Variants in CPLX3 observed in about 807,000 individuals in gnomAD.
The protein encoded by CPLX3 is complexin 3.
CPLX3 carries 12 observed loss-of-function variants against 17.2 expected under a neutral mutation model. The observed-to-expected ratio is 0.70, with a 90% CI of 0.45 to 1.13. The LOEUF (loss-of-function observed/expected upper bound fraction) is 1.13, where lower values mean the gene tolerates loss of function less well. Ranked by LOEUF, CPLX3 falls within the 50% of genes most tolerant of loss-of-function variation. The pLI is 0.00. For missense variants in CPLX3, 172 were observed against 203.2 expected, an observed-to-expected ratio of 0.85 and a Z score of 0.93; for synonymous variants, 75 against 79.4, an observed-to-expected ratio of 0.94 and a Z score of 0.29.
chr15:74,826,733 C>A lies in CPLX3; in HGVS notation c.30C>A (p.Gly10=), dbSNP rs1238714004. Residue 10 remains glycine (G), a synonymous_variant, in exon 1 of 3, where the codon GGC becomes GGA. Coordinates refer to ENST00000395018, the MANE Select transcript of CPLX3 (RefSeq NM_001030005.3). The surrounding 1 kb of genome is among the most constrained non-coding windows in gnomAD (Gnocchi z 5.0). ...CGTTCATGGTGAAGACCATGGTGGG[C>A]GGCCAGCTGAAGAACCTCACTGGGA... MAFMVKTMV[G]GQLKNLTGSL... 8.7e-6 allele frequency: 14 copies of A among 1,610,846 alleles called. No homozygotes were observed. The highest frequency in any genetic ancestry group is 1.1e-5 in the Non-Finnish European group (13 of 1,178,554).
intron 2 of CPLX3, among the ~76,000 whole-genome samples, chr15:74,829,361 AAC>A (rs1418521970): frequency 6.6e-6 from 1 of 152,174 alleles, no homozygotes; most frequent in Non-Finnish European, 1.5e-5. Context: ...CATGCAAAAA[AAC>A]ACAGATGTTG....
chr15:74,829,998 C>CAA (rs58349907), intron 2 of CPLX3, 132 bp from the exon 3 acceptor site: 1,550 of 526,106 alleles, frequency 2.9e-3, no homozygotes, highest in Middle Eastern at 3.9e-3. Context: ...CTCGTCTCTA[C>CAA]AAAAAAAAAA....
chr15:74,826,887 G>C lies in CPLX3; in HGVS notation c.164+20G>C. ...AGAGAAGTGAGTGGGATCCCTTCCTGGCTCCAACGACCTCCCCTCCCCACC... is the reference window on the plus strand; with the variant it reads ...AGAGAAGTGAGTGGGATCCCTTCCTCGCTCCAACGACCTCCCCTCCCCACC... On this transcript the variant is annotated intron_variant, in intron 1 of 2. Transcript: ENST00000395018. This position sits in a 1 kb window ranked among gnomAD's most constrained non-coding sequence, Gnocchi z 5.0. 6.3e-7 allele frequency: 1 copy of C among 1,591,776 alleles called. No homozygotes were observed. The highest frequency in any genetic ancestry group is 1.1e-5 in the South Asian group (1 of 89,090).
chr15:74,827,890 A>T, intron 1 of CPLX3, 144 bp from the exon 2 acceptor site: 1 of 648,398 alleles, frequency 1.5e-6, no homozygotes, highest in South Asian at 1.9e-5. Flanking sequence ...AGAAACCTGG[A>T]TGTCCGGGTT....
Position 74,830,314 on chromosome 15 carries a change from G to A in CPLX3, c.437G>A (p.Gly146Glu), listed in dbSNP as rs1300265262. 2 of 1,613,652 alleles carry A rather than the reference G, an allele frequency of 1.2e-6. No individual in the cohort carries two copies. Among genetic ancestry groups the A allele is most frequent in the Non-Finnish European group, 1.7e-6 (2 of 1,180,032 alleles). ...AAGGACAAGGCCCAGGCCACACTGG[G>A]GGATCTCAAGCAATCAGCTGAGAAG... ...SLKDKAQATL[G>E]DLKQSAEKCH... Residue 146 changes from glycine to glutamate, a missense_variant, in exon 3 of 3, where the codon GGG becomes GAG. By Grantham distance (98) the Gly-to-Glu change is moderately conservative (BLOSUM62 -2). Transcript: ENST00000395018.
In CPLX3 at chr15:74,830,414, T is replaced by C. The variant is rs1310687419; in HGVS notation, c.*60T>C. ...CCATGAGGGCTAAGAGTGTGTCAAC[T>C]TCCAGGGACCCATACTCCATTTGGG... On this transcript the variant is annotated 3_prime_UTR_variant, in exon 3 of 3. Transcript: ENST00000395018. The C allele has an allele frequency of 3.6e-6, 5 of 1,387,396 alleles. No homozygotes were observed. Among genetic ancestry groups the C allele is most frequent in the Middle Eastern group, 4.8e-4 (2 of 4,124 alleles). The allele number at this position is 1,387,396 out of a possible 1,614,324, so 85.9% of individuals were successfully genotyped here. A position where few individuals can be genotyped will look rare whatever the true frequency, so the allele number is the denominator to read the frequency against.
chr15:74,830,723 A>T lies in CPLX3; in HGVS notation c.*369A>T, dbSNP rs1453775511. 1 of 198,578 alleles carries T rather than the reference A, an allele frequency of 5.0e-6. No homozygotes were observed. Among genetic ancestry groups the T allele is most frequent in the Non-Finnish European group, 1.0e-5 (1 of 95,618 alleles). 12.3% of individuals were successfully genotyped at this position (198,578 alleles called of 1,614,324 possible). Reference sequence around the variant, plus strand: ...GTTCAGAGACAGAAGCCACAGATACATCCCGGCACAGACAGACACACACGA... The same window carrying T: ...GTTCAGAGACAGAAGCCACAGATACTTCCCGGCACAGACAGACACACACGA... On this transcript the variant is annotated 3_prime_UTR_variant, in exon 3 of 3. Coordinates refer to ENST00000395018, the MANE Select transcript of CPLX3 (RefSeq NM_001030005.3).
intron 1 of CPLX3, 148 bp downstream of exon 1, chr15:74,827,015 C>A (rs2063946515): frequency 9.1e-6 from 6 of 657,168 alleles, no homozygotes; most frequent in Non-Finnish European, 1.5e-5. Flanking sequence ...CTCTACACTG[C>A]CCCCAGACCC....
In CPLX3 at chr15:74,830,402, G is replaced by T; in HGVS notation, c.*48G>T. On this transcript the variant is annotated 3_prime_UTR_variant, in exon 3 of 3. Transcript: ENST00000395018. ...TGGGCTGGGCCCCCATGAGGGCTAAGAGTGTGTCAACTTCCAGGGACCCAT... is the reference window on the plus strand; with the variant it reads ...TGGGCTGGGCCCCCATGAGGGCTAATAGTGTGTCAACTTCCAGGGACCCAT... 1.3e-6 allele frequency: 2 copies of T among 1,493,272 alleles called. No individual in the cohort carries two copies. The highest frequency in any genetic ancestry group is 1.2e-5 in the South Asian group (1 of 84,894). 92.5% of individuals were successfully genotyped at this position (1,493,272 alleles called of 1,614,324 possible). A position where few individuals can be genotyped will look rare whatever the true frequency, so the allele number is the denominator to read the frequency against.
chr15:74,829,612 T>C (rs895301273), intron 2 of CPLX3, among the ~76,000 whole-genome samples: 1 of 152,200 alleles, frequency 6.6e-6, no homozygotes, highest in Non-Finnish European at 1.5e-5. Flanking sequence ...GTAATAGATA[T>C]AATAGATGTT....
rs1308435708 is a variant in CPLX3, at chr15:74,826,709, G to A, written c.6G>A (p.Ala2=). Reference sequence around the variant, plus strand: ...TGCCCCGGCCGGCGAAGACCATGGCGTTCATGGTGAAGACCATGGTGGGCG... The same window carrying A: ...TGCCCCGGCCGGCGAAGACCATGGCATTCATGGTGAAGACCATGGTGGGCG... M[A]FMVKTMVGGQ... The change falls in exon 1 of 3, where the codon GCG becomes GCA. Residue 2 remains alanine (A), a synonymous_variant. Coordinates refer to ENST00000395018, the MANE Select transcript of CPLX3 (RefSeq NM_001030005.3). The surrounding 1 kb of genome is among the most constrained non-coding windows in gnomAD (Gnocchi z 5.0). 3.1e-6 allele frequency: 5 copies of A among 1,608,798 alleles called. No individual in the cohort carries two copies. Among genetic ancestry groups the A allele is most frequent in the Non-Finnish European group, 4.2e-6 (5 of 1,177,826 alleles).
rs1212255231 is a variant in CPLX3 at position 74,826,882 on chromosome 15, T to TAA, written c.164+15_164+16insAA. ...GTGGAAGAGAAGTGAGTGGGATCCC[T>TAA]TCCTGGCTCCAACGACCTCCCCTCC... is the stretch of plus-strand genomic sequence containing the variant. On this transcript the variant is annotated intron_variant, in intron 1 of 2. Transcript: ENST00000395018. The surrounding 1 kb of genome is among the most constrained non-coding windows in gnomAD (Gnocchi z 5.0). 1 of 1,568,372 alleles carries TAA rather than the reference T, an allele frequency of 6.4e-7. No homozygotes were observed. The highest frequency in any genetic ancestry group is 8.7e-7 in the Non-Finnish European group (1 of 1,149,714).
chr15:74,828,982 A>G (rs937260469), intron 2 of CPLX3, among the ~76,000 whole-genome samples: 1 of 152,226 alleles, frequency 6.6e-6, no homozygotes, highest in African/African-American at 2.4e-5. Flanking sequence ...TGCTGGACTC[A>G]GGGGAAAACA....
intron 2 of CPLX3, among the ~76,000 whole-genome samples, chr15:74,828,913 A>C (rs181675459): frequency 6.6e-6 from 1 of 152,126 alleles, no homozygotes; most frequent in Non-Finnish European, 1.5e-5. Flanking sequence ...CCTGTTGTCT[A>C]AGGAGGGGAA....
Position 74,826,818 on chromosome 15 carries a change from A to G in CPLX3, c.115A>G (p.Met39Val), listed in dbSNP as rs761543817. The change falls in exon 1 of 3, where the codon ATG becomes GTG. Residue 39 changes from methionine to valine, a missense_variant. Met to Val is a conservative substitution (Grantham distance 21). Transcript: ENST00000395018. This position sits in a 1 kb window ranked among gnomAD's most constrained non-coding sequence, Gnocchi z 5.0. ...GDKSAAEAQG[M>V]SREEYEEYQK... Reference sequence around the variant, plus strand: ...CAAGTCGGCAGCCGAAGCTCAGGGCATGAGCCGGGAGGAGTACGAGGAGTA... The same window carrying G: ...CAAGTCGGCAGCCGAAGCTCAGGGCGTGAGCCGGGAGGAGTACGAGGAGTA... 8.0e-5 allele frequency: 129 copies of G among 1,604,726 alleles called. No individual in the cohort carries two copies. Among genetic ancestry groups the G allele is most frequent in the South Asian group, 2.1e-4 (19 of 90,426 alleles).
At chr15:74,828,285 G>A (rs188282955) in intron 2 of CPLX3, among the ~76,000 whole-genome samples, 164 bp downstream of exon 2, 43 of 152,286 alleles carry the variant, frequency 2.8e-4, no homozygotes, top group African/African-American at 9.9e-4. Context: ...TCACTCACTC[G>A]TAGTTAAATC....
In CPLX3 at chr15:74,827,981, TC is replaced by T. The variant is rs2063951028; in HGVS notation, c.165-52del. ...CCCTTCTGTCCCTCCCTCGAAGACC[TC>T]AACCCCCTTCTCTCAGCCCTCGTGG... On this transcript the variant is annotated intron_variant, in intron 1 of 2. Coordinates refer to ENST00000395018, the MANE Select transcript of CPLX3 (RefSeq NM_001030005.3). The T allele has an allele frequency of 4.8e-6, 7 of 1,470,266 alleles. No homozygotes were observed. In the South Asian group the frequency reaches 8.4e-5, roughly 18 times the overall value. The allele number at this position is 1,470,266 out of a possible 1,614,324, so 91.1% of individuals were successfully genotyped here. A position where few individuals can be genotyped will look rare whatever the true frequency, so the allele number is the denominator to read the frequency against.
rs147232026 is a variant in CPLX3, at chr15:74,830,181, C to A, written c.304C>A (p.Pro102Thr). The A allele has an allele frequency of 3.7e-5, 60 of 1,613,846 alleles. No homozygotes were observed. The highest frequency in any genetic ancestry group is 5.0e-5 in the Non-Finnish European group (59 of 1,179,984). ...IQMAGGDVEL[P>T]RELAKMIEED... is the part of the protein sequence containing the mutation. ...GATGGCAGGTGGAGACGTGGAGCTG[C>A]CCCGGGAGCTGGCCAAGATGATCGA... The change falls in exon 3 of 3, where the codon CCC becomes ACC. Residue 102 changes from proline (P) to threonine (T), a missense_variant. Pro to Thr is a conservative substitution (Grantham distance 38). Coordinates refer to ENST00000395018, the MANE Select transcript of CPLX3 (RefSeq NM_001030005.3).
At position 74,826,734 on chromosome 15, in the gene CPLX3, G is replaced by C. The variant is rs750321038; in HGVS notation, c.31G>C (p.Gly11Arg). The C allele has an allele frequency of 6.2e-7, 1 of 1,611,118 alleles. No homozygotes were observed. Residue 11 changes from glycine to arginine, a missense_variant, in exon 1 of 3, where the codon GGC (glycine) becomes CGC (arginine). By Grantham distance (125) the Gly-to-Arg change is moderately radical. Coordinates refer to ENST00000395018, the MANE Select transcript of CPLX3 (RefSeq NM_001030005.3). The surrounding 1 kb of genome is among the most constrained non-coding windows in gnomAD (Gnocchi z 5.0). MAFMVKTMVG[G>R]QLKNLTGSLG... Reference sequence around the variant, plus strand: ...GTTCATGGTGAAGACCATGGTGGGCGGCCAGCTGAAGAACCTCACTGGGAG... The same window carrying C: ...GTTCATGGTGAAGACCATGGTGGGCCGCCAGCTGAAGAACCTCACTGGGAG...
Sources: gnomAD v4.1 joint callset for allele counts (sites outside exome capture counted in the v4.1 genomes callset) on GRCh38, gnomAD v4.1.1 for gene constraint, Gnocchi (gnomAD v3.1) non-coding constraint, MANE v1.5 for transcripts, NCBI Gene and HGNC (gene_info 2026-07-23, HGNC 2026-07-21) for gene names.